CSF1: variants seen among roughly 807,000 people sequenced by gnomAD.
CSF1 encodes colony stimulating factor 1.
CSF1 carries 9 observed loss-of-function variants against 48.9 expected under a neutral mutation model. The observed-to-expected ratio is 0.18, with a 90% CI of 0.11 to 0.32. CSF1 has a LOEUF of 0.32. CSF1 is among the 10% of genes least tolerant of loss of function. The pLI is 1.00. For missense variants in CSF1, 672 were observed against 697.9 expected (o/e 0.96, Z 0.42); for synonymous variants, 305 against 284.1 (o/e 1.07, Z -0.74).
chr1:109,916,316 C>T (rs764330335), intron 3 of CSF1, among the ~76,000 whole-genome samples: 1 of 152,166 alleles, frequency 6.6e-6, no homozygotes, highest in Non-Finnish European at 1.5e-5. Flanking sequence ...CTAGTTCACT[C>T]CTCATCTTAC....
At chr1:109,925,306 CTCCCATGCCTCTCT>C in intron 8 of CSF1, 104 bp downstream of exon 8, 1 of 894,832 alleles carries the variant, frequency 1.1e-6, no homozygotes, top group South Asian at 1.4e-5. Context: ...CCCACACTGA[CTCCCATGCCTCTCT>C]CCAGTTCCCT....
chr1:109,924,309 AG>A lies in CSF1; in HGVS notation c.1569+123del, dbSNP rs1647736556. On this transcript the variant is annotated intron_variant, in intron 6 of 8. Coordinates refer to ENST00000329608, the MANE Select transcript of CSF1 (RefSeq NM_000757.6). ...CTGAGTTCTTCAGACACAGAGAGAT[AG>A]GGGCTGGCTCAGCACAGAGGATGAG... 3.6e-6 allele frequency: 3 copies of A among 833,534 alleles called. No homozygotes were observed. The South Asian group carries it at 5.4e-5, about 15-fold the overall frequency. The allele number at this position is 833,534 out of a possible 1,614,324, so 51.6% of individuals were successfully genotyped here.
chr1:109,917,287 T>C lies in CSF1; in HGVS notation c.226-6T>C. On this transcript the variant is annotated splice_region_variant and splice_polypyrimidine_tract_variant and intron_variant, in intron 3 of 8. Transcript: ENST00000329608. ...AGGCCATAAGCTCCAGGTTCCTGTT[T>C]TTCAGAAAGATCCAGTGTGCTACCT... is the stretch of plus-strand genomic sequence containing the variant. The C allele has an allele frequency of 6.2e-7, 1 of 1,612,708 alleles. No homozygotes were observed. Among genetic ancestry groups the C allele is most frequent in the Non-Finnish European group, 8.5e-7 (1 of 1,179,322 alleles).
In CSF1 at chr1:109,923,741, A is replaced by T. The variant is rs1412023090; in HGVS notation, c.1120A>T (p.Arg374Trp). ...GTALPRVGPV[R>W]PTGQDWNHTP... ...CGCCTTGCCCAGGGTGGGCCCCGTG[A>T]GGCCCACTGGCCAGGACTGGAATCA... The change falls in exon 6 of 9, where the codon AGG (arginine) becomes TGG (tryptophan). Residue 374 changes from arginine (R) to tryptophan (W), a missense_variant. Coordinates refer to ENST00000329608, the MANE Select transcript of CSF1 (RefSeq NM_000757.6). The T allele has an allele frequency of 1.9e-6, 3 of 1,611,164 alleles. No homozygotes were observed. Among genetic ancestry groups the T allele is most frequent in the South Asian group, 2.2e-5 (2 of 90,684 alleles).
At chr1:109,912,876 C>T (rs1174844398) in intron 1 of CSF1, among the ~76,000 whole-genome samples, 1 of 152,170 alleles carries the variant, frequency 6.6e-6, no homozygotes, top group Non-Finnish European at 1.5e-5. Flanking sequence ...ACTGCCGTCC[C>T]CCTCTTCCAC....
In CSF1 at chr1:109,930,716, A is replaced by T. The variant is rs1343082115; in HGVS notation, c.*1878A>T. The stretch of plus-strand genomic sequence containing the variant: ...AAACATATAATATTTTAAAGGTCAA[A>T]AAAGCAATCCAACCCACTGCAGAAG... On this transcript the variant is annotated 3_prime_UTR_variant, in exon 9 of 9. Transcript: ENST00000329608. 1 of 152,180 alleles carries T rather than the reference A, an allele frequency of 6.6e-6. No homozygotes were observed. The highest frequency in any genetic ancestry group is 1.5e-5 in the Non-Finnish European group (1 of 68,034). 9.4% of individuals were successfully genotyped at this position (152,180 alleles called of 1,614,324 possible).
At position 109,923,612 on chromosome 1, in the gene CSF1, G is replaced by C; in HGVS notation, c.991G>C (p.Gly331Arg). 1.2e-6 allele frequency: 2 copies of C among 1,614,148 alleles called. No individual in the cohort carries two copies. Among genetic ancestry groups the C allele is most frequent in the Non-Finnish European group, 1.7e-6 (2 of 1,180,014 alleles). ...GCTTTCCCCCTCCAGGCCAGGAGGG[G>C]GCAGCATGCAGACAGAGCCCGCCAG... Reference protein sequence around the residue: ...TELSPSRPGGGSMQTEPARPS... With the variant: ...TELSPSRPGGRSMQTEPARPS... The change falls in exon 6 of 9, where the codon GGC becomes CGC. Residue 331 changes from glycine (G) to arginine (R), a missense_variant. Physicochemically the swap from Gly to Arg is moderately radical, Grantham distance 125. Around this residue, in one of 3 missense-constraint regions of CSF1, gnomAD observed 591 missense variants for 593.6 expected, o/e 1.00. Transcript: ENST00000329608.
intron 1 of CSF1, 95 bp from the exon 2 acceptor site, chr1:109,914,164 T>C (rs1036532511): frequency 1.2e-5 from 16 of 1,345,868 alleles, no homozygotes; most frequent in South Asian, 1.7e-5. Context: ...TGTAGCATTG[T>C]AGATATGAGG....
rs1647651898 is a variant in CSF1 at position 109,923,294 on chromosome 1, G to T, written c.673G>T (p.Asp225Tyr). 6.2e-7 allele frequency: 1 copy of T among 1,612,816 alleles called. No homozygotes were observed. Among genetic ancestry groups the T allele is most frequent in the East Asian group, 2.2e-5 (1 of 44,862 alleles). Residue 225 changes from aspartate (D) to tyrosine (Y), a missense_variant, in exon 6 of 9, where the codon GAC (aspartate) becomes TAC (tyrosine). This residue lies in a region of CSF1 where 591 missense variants were observed against 593.6 expected (regional missense o/e 1.00). Transcript: ENST00000329608. The stretch of plus-strand genomic sequence containing the variant: ...CCCTGTGGCTGGCTTGACCTGGGAG[G>T]ACTCTGAGGGAACTGAGGGCAGCTC... ...MAPVAGLTWE[D>Y]SEGTEGSSLL...
chr1:109,914,202 A>G, intron 1 of CSF1, 57 bp from the exon 2 acceptor site: 2 of 1,539,948 alleles, frequency 1.3e-6, no homozygotes, highest in South Asian at 1.3e-5. Context: ...TGAGCAGGGC[A>G]TGGGGATAAC....
chr1:109,915,253 C>T (rs546443501), intron 2 of CSF1, among the ~76,000 whole-genome samples: 80 of 152,374 alleles, frequency 5.3e-4, no homozygotes, highest in African/African-American at 1.7e-3. Flanking sequence ...CCAGCTCCAA[C>T]CCCTACAGGT....
intron 1 of CSF1, among the ~76,000 whole-genome samples, chr1:109,913,243 C>A (rs1291568890): frequency 1.3e-5 from 2 of 152,218 alleles, no homozygotes; most frequent in Admixed American, 1.3e-4. Flanking sequence ...AGGATAGTGT[C>A]AACCTTCACC....
At position 109,917,388 on chromosome 1, in the gene CSF1, C is replaced by A. The variant is rs576006880; in HGVS notation, c.321C>A (p.Ile107=). 1 of 1,614,152 alleles carries A rather than the reference C, an allele frequency of 6.2e-7. No individual in the cohort carries two copies. Among genetic ancestry groups the A allele is most frequent in the East Asian group, 2.2e-5 (1 of 44,884 alleles). ...MRFRDNTPNA[I]AIVQLQELSL... ...TCAGAGATAACACCCCCAATGCCATCGCCATTGTGCAGCTGCAGGAACTCT... is the reference window on the plus strand; with the variant it reads ...TCAGAGATAACACCCCCAATGCCATAGCCATTGTGCAGCTGCAGGAACTCT... The change falls in exon 4 of 9, where the codon ATC becomes ATA. Residue 107 remains isoleucine, a synonymous_variant. Transcript: ENST00000329608.
chr1:109,911,164 C>T, intron 1 of CSF1, 102 bp downstream of exon 1: 2 of 729,956 alleles, frequency 2.7e-6, no homozygotes, highest in Non-Finnish European at 3.4e-6. Context: ...CTGGGCGCGC[C>T]GGCTGCACTG....
chr1:109,911,323 G>A (rs1425264996), intron 1 of CSF1, among the ~76,000 whole-genome samples: 1 of 152,196 alleles, frequency 6.6e-6, no homozygotes, highest in East Asian at 1.9e-4. Context: ...GCACGGAGGG[G>A]AACACTGAGC....
At chr1:109,926,697 T>C (rs333973) in intron 8 of CSF1, 151,831 of 152,226 alleles carry the variant, frequency 1, 75,720 homozygotes, top group Non-Finnish European at 1. Context: ...TCAGTCATGC[T>C]CCTCCTGCTC....
chr1:109,910,754 TG>T (rs1654641816), upstream of CSF1: 1 of 245,996 alleles, frequency 4.1e-6, no homozygotes, highest in Non-Finnish European at 8.1e-6. Flanking sequence ...TGTGTGTGTG[TG>T]TATGTGTGTG....
chr1:109,920,694 A>G (rs1354431582), intron 4 of CSF1, among the ~76,000 whole-genome samples: 1 of 152,184 alleles, frequency 6.6e-6, no homozygotes, highest in Non-Finnish European at 1.5e-5. Context: ...TTCACAGCCT[A>G]GAAAAGCCCA....
chr1:109,910,988 G>A lies in CSF1; in HGVS notation c.-36G>A. On this transcript the variant is annotated 5_prime_UTR_variant, in exon 1 of 9. Coordinates refer to ENST00000329608, the MANE Select transcript of CSF1 (RefSeq NM_000757.6). ...CCAGCGAGCGAGCGAGCGAGCGAGG[G>A]CGGCCGACGCGCCCGGCCGGGACCC... The A allele has an allele frequency of 8.6e-7, 1 of 1,165,702 alleles. No homozygotes were observed. Among genetic ancestry groups the A allele is most frequent in the African/African-American group, 1.6e-5 (1 of 61,402 alleles). The allele number at this position is 1,165,702 out of a possible 1,614,324, so 72.2% of individuals were successfully genotyped here.
Sources: gnomAD v4.1 joint callset for allele counts (sites outside exome capture counted in the v4.1 genomes callset) on GRCh38, gnomAD v4.1.1 for gene constraint, gnomAD v4.1.1 regional missense constraint, MANE v1.5 for transcripts, NCBI Gene and HGNC (gene_info 2026-07-23, HGNC 2026-07-21) for gene names.